PCDHA3: variants seen among roughly 807,000 people sequenced by gnomAD.
PCDHA3 encodes the protein protocadherin alpha-3.
In PCDHA3, 41 loss-of-function variants were observed where a neutral mutation model predicts 62.2. The observed-to-expected ratio is 0.66, with a 90% CI of 0.51 to 0.86. PCDHA3 has a LOEUF of 0.86. Ranked by LOEUF, PCDHA3 falls within the 40% of genes least tolerant of loss-of-function variation. The pLI is 0.00. For missense variants in PCDHA3, 1,304 were observed against 1,241.2 expected (o/e 1.05, Z -0.76); for synonymous variants, 640 against 555.4 (o/e 1.15, Z -2.14).
chr5:140,804,012 T>C (rs1763319982), intron 1 of PCDHA3: 1 of 212,586 alleles, frequency 4.7e-6, no homozygotes. Flanking sequence ...TGTTACTTGC[T>C]CATTTTATGA....
chr5:140,995,679 T>C (rs2153934903), intron 3 of PCDHA3, among the ~76,000 whole-genome samples: 1 of 152,322 alleles, frequency 6.6e-6, no homozygotes, highest in Non-Finnish European at 1.5e-5. Context: ...GCAGCATTTT[T>C]TTTAATTGTT....
chr5:140,921,283 C>T (rs1484079224), intron 1 of PCDHA3, among the ~76,000 whole-genome samples: 2 of 151,974 alleles, frequency 1.3e-5, no homozygotes, highest in Non-Finnish European at 2.9e-5. Flanking sequence ...TTGAAAAAAA[C>T]CTCAAATTTG....
At chr5:140,858,825 A>G in intron 1 of PCDHA3, 1 of 333,686 alleles carries the variant, frequency 3.0e-6, no homozygotes, top group Non-Finnish European at 5.6e-6. Flanking sequence ...TTGTATTTGC[A>G]TTACCAAAAA....
At chr5:140,954,135 T>C (rs1281133424) in intron 1 of PCDHA3, among the ~76,000 whole-genome samples, 1 of 152,220 alleles carries the variant, frequency 6.6e-6, no homozygotes, top group Non-Finnish European at 1.5e-5. Context: ...TATGGATGCA[T>C]AGTATTCCAT....
chr5:140,878,084 T>C (rs782330226), intron 1 of PCDHA3: 82 of 330,796 alleles, frequency 2.5e-4, no homozygotes, highest in Admixed American at 2.3e-4. Flanking sequence ...TATAATATTT[T>C]ATATGACTGA....
In PCDHA3 at chr5:140,849,582, G is replaced by T. The variant is rs2150441329; in HGVS notation, c.2394+45991G>T. 1.0e-5 allele frequency: 16 copies of T among 1,598,576 alleles called. 1 individual carries two copies. Among genetic ancestry groups the T allele is most frequent in the African/African-American group, 1.3e-5 (1 of 74,328 alleles). On this transcript the variant is annotated intron_variant, in intron 1 of 3. Transcript: ENST00000522353. ...GCTCTCGGTTCCTGTAAAAGAGGAC[G>T]CACAACTGGGGACAGTTATTGCCCT...
intron 1 of PCDHA3, chr5:140,823,594 T>C (rs1562273356): frequency 6.2e-7 from 1 of 1,613,998 alleles, no homozygotes; most frequent in Non-Finnish European, 8.5e-7. Context: ...CGCTTGGCTT[T>C]CGTATGAGCT....
At chr5:140,838,077 AGTGTG>A (rs1171079264) in intron 1 of PCDHA3, among the ~76,000 whole-genome samples, 34 of 80,696 alleles carry the variant, frequency 4.2e-4, no homozygotes, top group African/African-American at 1.3e-3. Context: ...ATATATATAT[AGTGTG>A]TGTGTGTGTG....
intron 1 of PCDHA3, chr5:140,927,172 G>T: frequency 1.2e-6 from 2 of 1,614,152 alleles, no homozygotes; most frequent in Non-Finnish European, 1.7e-6. Flanking sequence ...AGCTGCCTGC[G>T]TCTTGACCTA....
At chr5:140,884,536 G>A in intron 1 of PCDHA3, 11 of 1,614,090 alleles carry the variant, frequency 6.8e-6, no homozygotes, top group African/African-American at 1.3e-5. Context: ...AGAGGCGGCC[G>A]AGGGTGTGCT....
At chr5:140,980,704 G>T (rs2153822525) in intron 2 of PCDHA3, among the ~76,000 whole-genome samples, 1 of 151,890 alleles carries the variant, frequency 6.6e-6, no homozygotes, top group East Asian at 1.9e-4. Context: ...AGCCAAATGT[G>T]CTCCTATTCG....
intron 1 of PCDHA3, chr5:140,875,895 T>C (rs2153332421): frequency 1.2e-6 from 2 of 1,614,196 alleles, no homozygotes; most frequent in Non-Finnish European, 1.7e-6. Flanking sequence ...AAAAGGTACC[T>C]GTTTCTGAAT....
At chr5:140,882,294 C>T (rs1554173437) in intron 1 of PCDHA3, 1 of 1,613,662 alleles carries the variant, frequency 6.2e-7, no homozygotes. Flanking sequence ...CAAGGAGGCC[C>T]AAGACCGCGG....
chr5:140,808,555 G>A, intron 1 of PCDHA3: 1 of 1,614,096 alleles, frequency 6.2e-7, no homozygotes, highest in Non-Finnish European at 8.5e-7. Context: ...CGGCGTTCGC[G>A]CAGCCCGAGT....
intron 1 of PCDHA3, among the ~76,000 whole-genome samples, chr5:140,952,745 A>G (rs1554220592): frequency 6.6e-6 from 1 of 152,220 alleles, no homozygotes; most frequent in African/African-American, 2.4e-5. Context: ...TCACACTGCT[A>G]TAAAAACACC....
Position 140,978,838 on chromosome 5 carries a change from A to G in PCDHA3, c.2395-111A>G, listed in dbSNP as rs571929271. 3.9e-6 allele frequency: 6 copies of G among 1,554,610 alleles called. No homozygotes were observed. In the African/African-American group the frequency reaches 5.5e-5, roughly 14 times the overall value. On this transcript the variant is annotated intron_variant, in intron 1 of 3. Transcript: ENST00000522353. ...TTACACATGAAATGGCTCATTCAAT[A>G]CTTTTTTAGATGCCTGGAAATATTT... is the stretch of plus-strand genomic sequence containing the variant.
At chr5:140,947,451 A>G (rs2094135983) in intron 1 of PCDHA3, among the ~76,000 whole-genome samples, 1 of 151,658 alleles carries the variant, frequency 6.6e-6, no homozygotes, top group Non-Finnish European at 1.5e-5. Context: ...GAAATCCTCC[A>G]ACCTTGTTCT....
Position 140,808,895 on chromosome 5 carries a change from G to C in PCDHA3, c.2394+5304G>C, listed in dbSNP as rs781855860. On this transcript the variant is annotated intron_variant, in intron 1 of 3. Coordinates refer to ENST00000522353, the MANE Select transcript of PCDHA3 (RefSeq NM_018906.3). ...CGCGCCAGCACTGCTAGCGCCTCGG[G>C]CGGGTGGCACTGGTGGCGCAGTGAG... The C allele has an allele frequency of 2.9e-5, 47 of 1,613,372 alleles. No homozygotes were observed. The highest frequency in any genetic ancestry group is 3.9e-5 in the Non-Finnish European group (46 of 1,179,888).
At chr5:140,981,665 CCTTT>C (rs1170982670) in intron 2 of PCDHA3, among the ~76,000 whole-genome samples, 2 of 152,092 alleles carry the variant, frequency 1.3e-5, no homozygotes, top group Non-Finnish European at 2.9e-5. Flanking sequence ...TTTCTTCCTT[CCTTT>C]CTTCCTTCCT....
Sources: allele counts gnomAD v4.1 joint callset (sites outside exome capture counted in the v4.1 genomes callset), GRCh38; gene constraint gnomAD v4.1.1; transcripts MANE v1.5; gene names NCBI Gene and HGNC (gene_info 2026-07-23, HGNC 2026-07-21).